CYFIP2: variants seen among roughly 807,000 people sequenced by gnomAD.
CYFIP2 encodes cytoplasmic FMR1-interacting protein 2.
In CYFIP2, 29 loss-of-function variants were observed where a neutral mutation model predicts 158.7. The observed-to-expected ratio is 0.18, with a 90% CI of 0.14 to 0.25. The LOEUF is 0.25. Ranked by LOEUF, CYFIP2 falls within the 10% of genes least tolerant of loss-of-function variation. The pLI is 1.00. For missense variants in CYFIP2, 852 were observed against 1,639.5 expected (o/e 0.52, Z 8.29); for synonymous variants, 585 against 617.6 (o/e 0.95, Z 0.78).
intron 20 of CYFIP2, among the ~76,000 whole-genome samples, chr5:157,331,156 TAG>T (rs1761427402): frequency 6.6e-6 from 1 of 151,872 alleles, no homozygotes; most frequent in Non-Finnish European, 1.5e-5. Context: ...GACTGCCACT[TAG>T]AGATGGGTAA....
chr5:157,363,376 C>T (rs1351000264), intron 26 of CYFIP2: 1 of 152,180 alleles, frequency 6.6e-6, no homozygotes, highest in African/African-American at 2.4e-5. Flanking sequence ...GATAAATGGT[C>T]ATGAATAAGA....
chr5:157,275,960 G>GTA (rs1756510624), intron 1 of CYFIP2, among the ~76,000 whole-genome samples: 1 of 152,092 alleles, frequency 6.6e-6, no homozygotes, highest in South Asian at 2.1e-4. Flanking sequence ...TGCATTGCTG[G>GTA]TATATAGAGA....
Position 157,382,601 on chromosome 5 carries a change from G to A in CYFIP2, c.3051G>A (p.Glu1017=), listed in dbSNP as rs1267122701. The change falls in exon 27 of 31, where the codon GAG becomes GAA. Residue 1017 remains glutamate (E), a synonymous_variant. Transcript: ENST00000620254. ...LLIEQALSQE[E]VCDLLHAAPF... ...CCCCATCTCTGCAGTCTCAGGAGGA[G>A]GTCTGCGATTTGCTCCATGCCGCAC... 5 of 1,613,980 alleles carry A rather than the reference G, an allele frequency of 3.1e-6. No homozygotes were observed. Among genetic ancestry groups the A allele is most frequent in the African/African-American group, 1.3e-5 (1 of 75,028 alleles).
rs568937382 is a variant in CYFIP2 at position 157,339,622 on chromosome 5, G to A, written c.2585+366G>A. On this transcript the variant is annotated intron_variant, in intron 22 of 30. Coordinates refer to ENST00000620254, the MANE Select transcript of CYFIP2 (RefSeq NM_001037333.3). ...GTGGGTGATCAATCACATGACAAAT[G>A]TACCATTACAAACAGTGAATAAGGA... Among the ~76,000 whole-genome samples the A allele has an allele frequency of 7.3e-4, 111 of 152,286 alleles. 3 individuals are homozygous for A. In the South Asian group the frequency reaches 0.022, roughly 30 times the overall value.
At chr5:157,360,998 T>C (rs1328471490) in intron 25 of CYFIP2, among the ~76,000 whole-genome samples, 3 of 152,212 alleles carry the variant, frequency 2.0e-5, no homozygotes, top group African/African-American at 7.2e-5. Context: ...CCCTACTTAC[T>C]ACCTGTGTGA....
At chr5:157,306,439 A>T (rs898651422) in intron 8 of CYFIP2, among the ~76,000 whole-genome samples, 6 of 152,094 alleles carry the variant, frequency 3.9e-5, no homozygotes, top group African/African-American at 1.4e-4. Context: ...CCATACCCGG[A>T]CTTCCCTGCC....
Position 157,330,139 on chromosome 5 carries a change from A to G in CYFIP2, c.2157-603A>G, listed in dbSNP as rs546316277. Among the ~76,000 whole-genome samples, 4 of 152,246 alleles carry G rather than the reference A, an allele frequency of 2.6e-5. No homozygotes were observed. In the East Asian group the frequency reaches 7.7e-4, roughly 29 times the overall value. On this transcript the variant is annotated intron_variant, in intron 19 of 30. Transcript: ENST00000620254. ...ACTTTGGACTTCCTAACTCCAAATG[A>G]TCCCATTTTCTTATTTTCAAAGCAC...
intron 23 of CYFIP2, among the ~76,000 whole-genome samples, chr5:157,357,076 G>A (rs1763459880): frequency 6.6e-6 from 1 of 152,160 alleles, no homozygotes; most frequent in East Asian, 1.9e-4. Flanking sequence ...TCAGTGTCAT[G>A]TACAAAATTT....
Position 157,341,065 on chromosome 5 carries a change from A to C in CYFIP2, c.2586-5A>C, listed in dbSNP as rs773671305. On this transcript the variant is annotated splice_region_variant and splice_polypyrimidine_tract_variant and intron_variant, in intron 22 of 30. Coordinates refer to ENST00000620254, the MANE Select transcript of CYFIP2 (RefSeq NM_001037333.3). Reference sequence around the variant, plus strand: ...AACTCTTTCCCATCCCTATGCTTCTACTAGTTTTGTGCGGACTGCCATTCC... The same window carrying C: ...AACTCTTTCCCATCCCTATGCTTCTCCTAGTTTTGTGCGGACTGCCATTCC... 6.2e-7 allele frequency: 1 copy of C among 1,613,440 alleles called. No individual in the cohort carries two copies. The highest frequency in any genetic ancestry group is 8.5e-7 in the Non-Finnish European group (1 of 1,179,502).
Position 157,339,127 on chromosome 5 carries a change from G to A in CYFIP2, c.2456G>A (p.Ser819Asn). The A allele has an allele frequency of 6.2e-7, 1 of 1,614,000 alleles. No homozygotes were observed. Among genetic ancestry groups the A allele is most frequent in the Non-Finnish European group, 8.5e-7 (1 of 1,179,894 alleles). ...RLLCKHMTLD[S>N]FDAMFREANH... is the part of the protein sequence containing the mutation. The stretch of plus-strand genomic sequence containing the variant: ...CTCTGTAAGCATATGACGCTGGACA[G>A]CTTCGATGCCATGTTCCGAGAGGCC... The change falls in exon 22 of 31, where the codon AGC (serine) becomes AAC (asparagine). Residue 819 changes from serine (S) to asparagine (N), a missense_variant. By Grantham distance (46) the Ser-to-Asn change is conservative. Coordinates refer to ENST00000620254, the MANE Select transcript of CYFIP2 (RefSeq NM_001037333.3).
rs370043679 is a variant in CYFIP2, at chr5:157,266,290, C to G, written c.-24+95C>G. On this transcript the variant is annotated intron_variant, in intron 1 of 30. Coordinates refer to ENST00000620254, the MANE Select transcript of CYFIP2 (RefSeq NM_001037333.3). The surrounding 1 kb of genome is among the most constrained non-coding windows in gnomAD (Gnocchi z 4.2). ...GTGAGGATGCGCGAAGGGCCGCCCC[C>G]TCTCCCGGCCCGCGGGGGGCGCTCG... is the stretch of plus-strand genomic sequence containing the variant. 6.6e-6 allele frequency: 1 copy of G among 150,976 alleles called. No individual in the cohort carries two copies. Among genetic ancestry groups the G allele is most frequent in the Non-Finnish European group, 1.5e-5 (1 of 67,564 alleles). 9.4% of individuals were successfully genotyped at this position (150,976 alleles called of 1,614,324 possible). A position where few individuals can be genotyped will look rare whatever the true frequency, so the allele number is the denominator to read the frequency against.
intron 26 of CYFIP2, chr5:157,362,609 A>C (rs1157704241): frequency 6.6e-6 from 1 of 152,020 alleles, no homozygotes; most frequent in African/African-American, 2.4e-5. Flanking sequence ...GCTCCATCTC[A>C]CTCATTAGAT....
chr5:157,346,090 T>C (rs1045023582), intron 23 of CYFIP2, among the ~76,000 whole-genome samples: 2 of 151,690 alleles, frequency 1.3e-5, no homozygotes, highest in African/African-American at 4.8e-5. Flanking sequence ...TCTTGACTCA[T>C]GTGCCATTAC....
At chr5:157,296,524 G>A (rs1300433712) in intron 4 of CYFIP2, 149 bp from the exon 5 acceptor site, 1 of 700,578 alleles carries the variant, frequency 1.4e-6, no homozygotes, top group Non-Finnish European at 2.5e-6. Flanking sequence ...AGCCTGGGAG[G>A]TTGAGGTTTC....
chr5:157,318,055 T>A (rs1025719948), intron 13 of CYFIP2, among the ~76,000 whole-genome samples: 2 of 152,228 alleles, frequency 1.3e-5, no homozygotes, highest in African/African-American at 2.4e-5. Context: ...TGCCCATTTT[T>A]AAAAAATCGG....
intron 29 of CYFIP2, 189 bp downstream of exon 29, chr5:157,389,616 C>T (rs1039399361): frequency 1.7e-6 from 1 of 575,474 alleles, no homozygotes; most frequent in Non-Finnish European, 3.1e-6. Context: ...ATAGTAAGAC[C>T]CTCACTGCCT....
At chr5:157,385,450 G>T (rs1267393669) in intron 28 of CYFIP2, among the ~76,000 whole-genome samples, 1 of 152,168 alleles carries the variant, frequency 6.6e-6, no homozygotes, top group Admixed American at 6.5e-5. Context: ...AGATATCTAG[G>T]AGGTGACAGA....
chr5:157,297,041 T>G (rs1758306639), intron 5 of CYFIP2, among the ~76,000 whole-genome samples: 1 of 152,194 alleles, frequency 6.6e-6, no homozygotes, highest in Non-Finnish European at 1.5e-5. Context: ...TAATAAGTGC[T>G]GTGAGTAAAA....
chr5:157,335,918 T>C (rs1247466405), intron 21 of CYFIP2, among the ~76,000 whole-genome samples: 3 of 152,162 alleles, frequency 2.0e-5, no homozygotes, highest in Non-Finnish European at 2.9e-5. Flanking sequence ...TTCCCACCTG[T>C]CCAAAAGCAC....
Sources: gnomAD v4.1 joint callset for allele counts (sites outside exome capture counted in the v4.1 genomes callset) on GRCh38, gnomAD v4.1.1 for gene constraint, Gnocchi (gnomAD v3.1) non-coding constraint, MANE v1.5 for transcripts, NCBI Gene and HGNC (gene_info 2026-07-23, HGNC 2026-07-21) for gene names.